ADAMTS10: variants seen among roughly 807,000 people sequenced by gnomAD.
ADAMTS10 encodes A disintegrin and metalloproteinase with thrombospondin motifs 10.
A neutral mutation model predicts 135.9 loss-of-function variants in ADAMTS10; 48 were observed. That is an observed-to-expected ratio of 0.35 (90% CI 0.28 to 0.45). ADAMTS10 has a LOEUF of 0.45. Among genes scored for constraint, ADAMTS10 ranks in the 20% least tolerant of loss-of-function variants. The pLI, the probability that ADAMTS10 is intolerant of heterozygous loss-of-function variation, is 1.00. For missense variants in ADAMTS10, 1,131 were observed against 1,565.2 expected (o/e 0.72, Z 4.68); for synonymous variants, 621 against 647.5 (o/e 0.96, Z 0.62).
intron 13 of ADAMTS10, 56 bp from the exon 14 acceptor site, chr19:8,592,159 C>G: frequency 1.9e-6 from 3 of 1,612,330 alleles, no homozygotes; most frequent in Non-Finnish European, 2.5e-6. Flanking sequence ...CTCGTCGGCC[C>G]CATGCACCGT....
intron 25 of ADAMTS10, 127 bp from the exon 26 acceptor site, chr19:8,581,129 A>AATTTTTTTTTTTTTTT: frequency 7.9e-6 from 1 of 126,904 alleles, no homozygotes; most frequent in Non-Finnish European, 1.3e-5. Flanking sequence ...TTTTAAATTT[A>AATTTTTTTTTTTTTTT]CTTTTTTTTT....
rs2042717412 is a variant in ADAMTS10, at chr19:8,605,913, C to G, written c.-99-104G>C. The G allele has an allele frequency of 5.3e-6, 6 of 1,137,716 alleles. No individual in the cohort carries two copies. The highest frequency in any genetic ancestry group is 7.2e-6 in the Non-Finnish European group (6 of 828,990). 70.5% of individuals were successfully genotyped at this position (1,137,716 alleles called of 1,614,324 possible). On this transcript the variant is annotated intron_variant, in intron 2 of 25. Coordinates refer to ENST00000597188, the MANE Select transcript of ADAMTS10 (RefSeq NM_030957.4). The surrounding 1 kb of genome is among the most constrained non-coding windows in gnomAD (Gnocchi z 7.7). ...AGCTTTTCACCTGACTCTGAAGATT[C>G]TGAATGCATTTTCTCACTCAGTCAC...
In ADAMTS10 at chr19:8,605,580, A is replaced by AT; in HGVS notation, c.88+42dup. 1 of 1,589,434 alleles carries AT rather than the reference A, an allele frequency of 6.3e-7. No homozygotes were observed. Among genetic ancestry groups the AT allele is most frequent in the Non-Finnish European group, 8.5e-7 (1 of 1,171,226 alleles). Reference sequence around the variant, plus strand: ...TGTTGGAGCCCAACTGGTCTCTTACATTTTTCGCTCCCTCCCCACCGCCAC... The same window carrying AT: ...TGTTGGAGCCCAACTGGTCTCTTACATTTTTTCGCTCCCTCCCCACCGCCAC... On this transcript the variant is annotated intron_variant, in intron 3 of 25. Transcript: ENST00000597188. This position sits in a 1 kb window ranked among gnomAD's most constrained non-coding sequence, Gnocchi z 7.7.
rs941563092 is a variant in ADAMTS10 at position 8,580,807 on chromosome 19, G to A, written c.*86C>T. 4.0e-5 allele frequency: 44 copies of A among 1,091,618 alleles called. No individual in the cohort carries two copies. Among genetic ancestry groups the A allele is most frequent in the Non-Finnish European group, 5.3e-5 (40 of 749,020 alleles). The allele number at this position is 1,091,618 out of a possible 1,614,324, so 67.6% of individuals were successfully genotyped here. Reference sequence around the variant, plus strand: ...GTCTCACCCTTCCCTCCCAGTTCCCGCCCCCCCGGGGCCCCCTCTGGCCGG... The same window carrying A: ...GTCTCACCCTTCCCTCCCAGTTCCCACCCCCCCGGGGCCCCCTCTGGCCGG... On this transcript the variant is annotated 3_prime_UTR_variant, in exon 26 of 26. Transcript: ENST00000597188.
chr19:8,585,499 C>A lies in ADAMTS10; in HGVS notation c.2822G>T (p.Gly941Val). Reference sequence around the variant, plus strand: ...CGCCCACTCCGGAGGGCAAGTGGGGCCGTGGCAGGCCTCCAGTACAGGTGG... The same window carrying A: ...CGCCCACTCCGGAGGGCAAGTGGGGACGTGGCAGGCCTCCAGTACAGGTGG... ...PRPPVLEACH[G>V]PTCPPEWAAL... Residue 941 changes from glycine (G) to valine (V), a missense_variant, in exon 23 of 26, where the codon GGC becomes GTC. Coordinates refer to ENST00000597188, the MANE Select transcript of ADAMTS10 (RefSeq NM_030957.4). The A allele has an allele frequency of 6.5e-7, 1 of 1,541,768 alleles. No individual in the cohort carries two copies. The highest frequency in any genetic ancestry group is 8.8e-7 in the Non-Finnish European group (1 of 1,141,634).
intron 5 of ADAMTS10, among the ~76,000 whole-genome samples, chr19:8,602,761 G>A (rs147127634): frequency 8.4e-4 from 128 of 152,170 alleles, no homozygotes; most frequent in Admixed American, 2.7e-3. Flanking sequence ...AAGTAGCTGG[G>A]ACTACAGGAG....
intron 18 of ADAMTS10, 48 bp downstream of exon 18, chr19:8,589,194 T>A: frequency 6.2e-7 from 1 of 1,610,102 alleles, no homozygotes; most frequent in Non-Finnish European, 8.5e-7. Flanking sequence ...CCACCTGCAG[T>A]CAGCTGGCCC....
At chr19:8,592,430 G>C (rs1555739258) in intron 13 of ADAMTS10, among the ~76,000 whole-genome samples, 1 of 152,132 alleles carries the variant, frequency 6.6e-6, no homozygotes, top group Non-Finnish European at 1.5e-5. Flanking sequence ...CAGAGCCGAG[G>C]GCAGCACAGG....
chr19:8,583,749 C>T (rs2042384560), intron 25 of ADAMTS10, among the ~76,000 whole-genome samples: 2 of 152,092 alleles, frequency 1.3e-5, no homozygotes, highest in Admixed American at 6.6e-5. Context: ...CTTGGGGAGA[C>T]TTGGGGCTGA....
chr19:8,593,318 T>C (rs1011056740), intron 12 of ADAMTS10: 1 of 172,792 alleles, frequency 5.8e-6, no homozygotes, highest in Non-Finnish European at 1.3e-5. Context: ...GATTTGGGGT[T>C]CTTTTATGGG....
chr19:8,590,288 T>C (rs575367008), intron 15 of ADAMTS10, among the ~76,000 whole-genome samples: 1 of 152,190 alleles, frequency 6.6e-6, no homozygotes, highest in South Asian at 2.1e-4. Context: ...TTTTTTTTCT[T>C]TTTTGAGACA....
Position 8,597,061 on chromosome 19 carries a change from C to T in ADAMTS10, c.966G>A (p.Val322=). 1 of 1,614,202 alleles carries T rather than the reference C, an allele frequency of 6.2e-7. No homozygotes were observed. The part of the protein sequence containing the change: ...DSFCKWQKSI[V]NHSGHGNAIP... ...TGGCATTGCCATGGCCGCTGTGGTT[C>T]ACGATGGATTTCTGCCACTTACAGA... Residue 322 remains valine (V), a synonymous_variant, in exon 8 of 26, where the codon GTG becomes GTA. Coordinates refer to ENST00000597188, the MANE Select transcript of ADAMTS10 (RefSeq NM_030957.4).
Position 8,593,891 on chromosome 19 carries a change from C to T in ADAMTS10, c.1480-1021G>A, listed in dbSNP as rs113015376. Among the ~76,000 whole-genome samples the T allele has an allele frequency of 1.5e-3, 235 of 152,280 alleles. 2 individuals are homozygous for T. The highest frequency in any genetic ancestry group is 5.4e-3 in the African/African-American group (223 of 41,574). On this transcript the variant is annotated intron_variant, in intron 12 of 25. Transcript: ENST00000597188. ...AAGCTTTCCAGATGTGGGACTGGAT[C>T]GATCAATGGCCACAGGAAAGGACCC...
intron 7 of ADAMTS10, 37 bp from the exon 8 acceptor site, chr19:8,597,169 C>T (rs1555740459): frequency 6.2e-7 from 1 of 1,614,026 alleles, no homozygotes; most frequent in Non-Finnish European, 8.5e-7. Context: ...GGGCACCCAC[C>T]ACCCAGGGGA....
intron 18 of ADAMTS10, among the ~76,000 whole-genome samples, chr19:8,588,013 C>G (rs1439284225): frequency 6.8e-6 from 1 of 146,296 alleles, no homozygotes; most frequent in Non-Finnish European, 1.5e-5. Flanking sequence ...CTTTGGGAGG[C>G]TTAGGTGGGT....
At chr19:8,592,333 G>T (rs2042545695) in intron 13 of ADAMTS10, 1 of 801,060 alleles carries the variant, frequency 1.2e-6, no homozygotes, top group Non-Finnish European at 1.9e-6. Context: ...ACGGGGAGGG[G>T]TGTAGACAGG....
At chr19:8,600,841 G>A (rs1208742232) in intron 6 of ADAMTS10, 87 bp downstream of exon 6, 2 of 1,517,690 alleles carry the variant, frequency 1.3e-6, no homozygotes, top group African/African-American at 1.4e-5. Context: ...AGGGATTGGG[G>A]TGGGATGGTA....
chr19:8,596,041 C>CCGCT lies in ADAMTS10; in HGVS notation c.1337+28_1337+31dup, dbSNP rs1568401467. Reference sequence around the variant, plus strand: ...TACCCTGCCCCACCATGAGTGTGACCCGCTCTGAGGGACACCCAGGTGCAT... The same window carrying CCGCT: ...TACCCTGCCCCACCATGAGTGTGACCCGCTCGCTCTGAGGGACACCCAGGTGCAT... On this transcript the variant is annotated intron_variant, in intron 11 of 25. Coordinates refer to ENST00000597188, the MANE Select transcript of ADAMTS10 (RefSeq NM_030957.4). The surrounding 1 kb of genome is among the most constrained non-coding windows in gnomAD (Gnocchi z 7.2). The CCGCT allele has an allele frequency of 1.2e-6, 2 of 1,614,012 alleles. No individual in the cohort carries two copies. Among genetic ancestry groups the CCGCT allele is most frequent in the Admixed American group, 3.3e-5 (2 of 60,016 alleles).
chr19:8,598,428 G>A (rs782798196), intron 6 of ADAMTS10, among the ~76,000 whole-genome samples: 1 of 152,142 alleles, frequency 6.6e-6, no homozygotes, highest in South Asian at 2.1e-4. Context: ...AACTGTGAGG[G>A]CAGGAGGCTC....
Sources: allele counts gnomAD v4.1 joint callset (sites outside exome capture counted in the v4.1 genomes callset), GRCh38; gene constraint gnomAD v4.1.1; non-coding constraint Gnocchi (gnomAD v3.1); transcripts MANE v1.5; gene names NCBI Gene and HGNC (gene_info 2026-07-23, HGNC 2026-07-21).